Variants in MOB4 observed in about 807,000 individuals in gnomAD.
MOB4 encodes the protein MOB family member 4, phocein, also known as MOB-like protein phocein.
In MOB4, 4 loss-of-function variants were observed where a neutral mutation model predicts 32.2. The observed-to-expected ratio is 0.12, with a 90% CI of 0.06 to 0.28. The LOEUF (loss-of-function observed/expected upper bound fraction) is 0.28, where lower values mean the gene tolerates loss of function less well. Ranked by LOEUF, MOB4 falls within the 10% of genes least tolerant of loss-of-function variation. The pLI is 1.00. For synonymous variants in MOB4, 88 were observed against 88.1 expected (o/e 1.00, Z 0.01); for missense variants, 158 against 271.2 (o/e 0.58, Z 2.93).
In MOB4 at chr2:197,516,075, G is replaced by C; in HGVS notation, c.-12G>C. The C allele has an allele frequency of 6.3e-7, 1 of 1,586,946 alleles. No homozygotes were observed. The highest frequency in any genetic ancestry group is 8.6e-7 in the Non-Finnish European group (1 of 1,167,794). On this transcript the variant is annotated 5_prime_UTR_variant, in exon 1 of 8. Coordinates refer to ENST00000323303, the MANE Select transcript of MOB4 (RefSeq NM_015387.5). ...TCCGGGTACCGACTCCAGCCGCCTA[G>C]ACGCTGGCACTATGGTCATGGCGGA... is the stretch of plus-strand genomic sequence containing the variant.
intron 3 of MOB4, among the ~76,000 whole-genome samples, chr2:197,536,257 G>T (rs1288879511): frequency 6.6e-6 from 1 of 152,024 alleles, no homozygotes; most frequent in African/African-American, 2.4e-5. Flanking sequence ...AGGCTGGAAT[G>T]CAGTGGTGCA....
intron 1 of MOB4, among the ~76,000 whole-genome samples, chr2:197,519,313 A>G (rs773945122): frequency 2.0e-5 from 3 of 152,214 alleles, no homozygotes; most frequent in Non-Finnish European, 4.4e-5. Flanking sequence ...AGAAGGCGAA[A>G]CATTTCATTC....
Position 197,535,578 on chromosome 2 carries a change from C to G in MOB4, c.172C>G (p.Leu58Val), listed in dbSNP as rs1446449233. ...RADCSNIDKI[L>V]EPPEGQDEGV... is the part of the protein sequence containing the mutation. ...AGATTGCTCCAATATTGACAAAATT[C>G]TTGAACCACCTGAAGGCCAAGATGA... is the stretch of plus-strand genomic sequence containing the variant. Residue 58 changes from leucine (L) to valine (V), a missense_variant, in exon 3 of 8, where the codon CTT (leucine) becomes GTT (valine). This residue lies in a region of MOB4 where 25 missense variants were observed against 70.9 expected (regional missense o/e 0.35). Coordinates refer to ENST00000323303, the MANE Select transcript of MOB4 (RefSeq NM_015387.5). 1 of 1,612,988 alleles carries G rather than the reference C, an allele frequency of 6.2e-7. No homozygotes were observed. The highest frequency in any genetic ancestry group is 8.5e-7 in the Non-Finnish European group (1 of 1,179,766).
chr2:197,524,801 C>T (rs1033598169), intron 2 of MOB4, among the ~76,000 whole-genome samples: 9 of 151,338 alleles, frequency 5.9e-5, no homozygotes, highest in Non-Finnish European at 8.8e-5. Flanking sequence ...GACGGGGTCT[C>T]ACCCTGTTGC....
chr2:197,527,479 T>A (rs1420655562), intron 2 of MOB4, among the ~76,000 whole-genome samples: 1 of 152,256 alleles, frequency 6.6e-6, no homozygotes, highest in Admixed American at 6.5e-5. Flanking sequence ...GATTTTTATG[T>A]GTTCATCTTG....
At chr2:197,543,561 G>A (rs2086936900) in intron 5 of MOB4, among the ~76,000 whole-genome samples, 1 of 152,034 alleles carries the variant, frequency 6.6e-6, no homozygotes, top group Admixed American at 6.5e-5. Flanking sequence ...CAACACAGAT[G>A]AACCTTTAAA....
intron 2 of MOB4, 95 bp from the exon 3 acceptor site, chr2:197,535,435 C>A: frequency 8.5e-7 from 1 of 1,173,852 alleles, no homozygotes; most frequent in Non-Finnish European, 1.2e-6. Context: ...AGTTGAACCA[C>A]AAGAGCAGTT....
At chr2:197,538,356 T>A (rs1330832620) in intron 3 of MOB4, among the ~76,000 whole-genome samples, 2 of 152,032 alleles carry the variant, frequency 1.3e-5, no homozygotes, top group Non-Finnish European at 2.9e-5. Flanking sequence ...CTCTTTATTG[T>A]ATTGTGTACA....
At chr2:197,536,798 A>G (rs904789171) in intron 3 of MOB4, among the ~76,000 whole-genome samples, 8 of 151,510 alleles carry the variant, frequency 5.3e-5, no homozygotes, top group Admixed American at 2.0e-4. Flanking sequence ...GGGTTTCACT[A>G]TGTTGGCCAG....
At position 197,552,340 on chromosome 2, in the gene MOB4, A is replaced by C. The variant is rs2087112273; in HGVS notation, c.*1694A>C. Reference sequence around the variant, plus strand: ...TTTTTAAACTTGCTAAATATTGAGAAACTAAACTACTAAGTTAATAAATTA... The same window carrying C: ...TTTTTAAACTTGCTAAATATTGAGACACTAAACTACTAAGTTAATAAATTA... On this transcript the variant is annotated 3_prime_UTR_variant, in exon 8 of 8. Transcript: ENST00000323303. 1 of 152,332 alleles carries C rather than the reference A, an allele frequency of 6.6e-6. No homozygotes were observed. The highest frequency in any genetic ancestry group is 2.4e-5 in the African/African-American group (1 of 41,442). The allele number at this position is 152,332 out of a possible 1,614,324, so 9.4% of individuals were successfully genotyped here.
In MOB4 at chr2:197,551,142, A is replaced by G. The variant is rs1317001067; in HGVS notation, c.*496A>G. ...AAAAGTGTTTTAAAATTCTGTTTAT[A>G]GTTTTTGATATGCATATATAATTAT... is the stretch of plus-strand genomic sequence containing the variant. On this transcript the variant is annotated 3_prime_UTR_variant, in exon 8 of 8. Transcript: ENST00000323303. 5 of 152,384 alleles carry G rather than the reference A, an allele frequency of 3.3e-5. No individual in the cohort carries two copies. The highest frequency in any genetic ancestry group is 5.9e-5 in the Non-Finnish European group (4 of 68,050). The allele number at this position is 152,384 out of a possible 1,614,324, so 9.4% of individuals were successfully genotyped here.
intron 1 of MOB4, among the ~76,000 whole-genome samples, chr2:197,518,045 G>T (rs903373144): frequency 1.3e-5 from 2 of 151,866 alleles, no homozygotes; most frequent in Non-Finnish European, 2.9e-5. Context: ...GTAGGCTGAG[G>T]CAGGAGAATC....
rs984997659 is a variant in MOB4, at chr2:197,552,307, A to T, written c.*1661A>T. The stretch of plus-strand genomic sequence containing the variant: ...ATTAATGGCACTATAAACCAATGGT[A>T]ATGGTAATTTTTAAACTTGCTAAAT... On this transcript the variant is annotated 3_prime_UTR_variant, in exon 8 of 8. Transcript: ENST00000323303. 1 of 152,344 alleles carries T rather than the reference A, an allele frequency of 6.6e-6. No homozygotes were observed. Among genetic ancestry groups the T allele is most frequent in the African/African-American group, 2.4e-5 (1 of 41,454 alleles). The allele number at this position is 152,344 out of a possible 1,614,324, so 9.4% of individuals were successfully genotyped here.
intron 1 of MOB4, chr2:197,516,784 A>G (rs1416708601): frequency 2.1e-6 from 1 of 470,240 alleles, no homozygotes. Context: ...TGCGTGAAGC[A>G]TAGTCAGAGA....
intron 1 of MOB4, among the ~76,000 whole-genome samples, chr2:197,517,199 T>C (rs1336448624): frequency 1.3e-5 from 2 of 152,180 alleles, no homozygotes; most frequent in Admixed American, 1.3e-4. Flanking sequence ...CCCAAGAGAA[T>C]TAAGTGGATT....
At chr2:197,520,071 A>G (rs757137639) in intron 1 of MOB4, among the ~76,000 whole-genome samples, 58 of 152,126 alleles carry the variant, frequency 3.8e-4, no homozygotes, top group Non-Finnish European at 6.5e-4. Flanking sequence ...CATTGCTACT[A>G]TAGTTGAATC....
At chr2:197,544,550 A>G (rs981805679) in intron 5 of MOB4, among the ~76,000 whole-genome samples, 7 of 152,114 alleles carry the variant, frequency 4.6e-5, no homozygotes, top group East Asian at 1.9e-4. Flanking sequence ...TCAGGAGATC[A>G]AGACCATCCT....
chr2:197,516,855 T>G (rs1306315389), intron 1 of MOB4: 7 of 394,816 alleles, frequency 1.8e-5, no homozygotes, highest in Admixed American at 2.9e-5. Context: ...AAATTGGTGC[T>G]TGATTAGGCA....
chr2:197,516,069 C>G lies in MOB4; in HGVS notation c.-18C>G, dbSNP rs760721847. The G allele has an allele frequency of 3.8e-6, 6 of 1,578,418 alleles. No homozygotes were observed. Among genetic ancestry groups the G allele is most frequent in the Non-Finnish European group, 5.2e-6 (6 of 1,163,058 alleles). ...CCTACATCCGGGTACCGACTCCAGC[C>G]GCCTAGACGCTGGCACTATGGTCAT... On this transcript the variant is annotated 5_prime_UTR_variant, in exon 1 of 8. Transcript: ENST00000323303.
Sources: allele counts gnomAD v4.1 joint callset (sites outside exome capture counted in the v4.1 genomes callset), GRCh38; gene constraint gnomAD v4.1.1; regional missense constraint gnomAD v4.1.1; transcripts MANE v1.5; gene names NCBI Gene and HGNC (gene_info 2026-07-23, HGNC 2026-07-21).